DPP10: variants seen among roughly 807,000 people sequenced by gnomAD.
The protein encoded by DPP10 is inactive dipeptidyl peptidase 10.
A neutral mutation model predicts 120.9 loss-of-function variants in DPP10; 33 were observed. The ratio of observed to expected loss-of-function variants is 0.27; its 90% CI spans 0.21 to 0.37. The LOEUF is 0.37. DPP10 is among the 10% of genes least tolerant of loss of function. DPP10 has a pLI of 1.00. For synonymous variants in DPP10, 337 were observed against 326.1 expected (o/e 1.03, Z -0.36); for missense variants, 816 against 942.8 (o/e 0.87, Z 1.76).
At chr2:114,912,756 C>T (rs917316297) in intron 1 of DPP10, among the ~76,000 whole-genome samples, 1 of 152,178 alleles carries the variant, frequency 6.6e-6, no homozygotes, top group Non-Finnish European at 1.5e-5. Context: ...AGAGTGGCCC[C>T]CTCTCATCAC....
At chr2:115,019,485 A>T (rs2105163020) in intron 1 of DPP10, among the ~76,000 whole-genome samples, 1 of 152,252 alleles carries the variant, frequency 6.6e-6, no homozygotes, top group African/African-American at 2.4e-5. Flanking sequence ...AAATGAATTA[A>T]AAAAAATGAA....
At chr2:115,588,186 A>G (rs1057373269) in intron 5 of DPP10, among the ~76,000 whole-genome samples, 1 of 152,134 alleles carries the variant, frequency 6.6e-6, no homozygotes, top group African/African-American at 2.4e-5. Flanking sequence ...CCCATTGGGT[A>G]TTTGTTGTGG....
chr2:114,570,461 T>C (rs1689547131), intron 1 of DPP10, among the ~76,000 whole-genome samples: 1 of 151,906 alleles, frequency 6.6e-6, no homozygotes, highest in Admixed American at 6.6e-5. Flanking sequence ...TAAGATCCCT[T>C]AGGTAGGAGC....
chr2:114,836,367 G>A lies in DPP10; in HGVS notation c.60+393529G>A, dbSNP rs145581188. 8.6e-3 allele frequency among the ~76,000 whole-genome samples: 1,314 copies of A among 152,254 alleles called. 23 individuals carry two copies. The highest frequency in any genetic ancestry group is 0.03 in the African/African-American group (1,265 of 41,534). Reference sequence around the variant, plus strand: ...GGCCAGTTTGGGAAATAAAGGGACAGAGTACAAAAGAGAGAAATTTTAAAG... The same window carrying A: ...GGCCAGTTTGGGAAATAAAGGGACAAAGTACAAAAGAGAGAAATTTTAAAG... On this transcript the variant is annotated intron_variant, in intron 1 of 25. Transcript: ENST00000410059.
At position 115,209,335 on chromosome 2, in the gene DPP10, C is replaced by T. The variant is rs544275842; in HGVS notation, c.61-99904C>T. Among the ~76,000 whole-genome samples the T allele has an allele frequency of 4.6e-5, 7 of 152,148 alleles. No individual in the cohort carries two copies. The South Asian group carries it at 1.5e-3, about 32-fold the overall frequency. On this transcript the variant is annotated intron_variant, in intron 1 of 25. Transcript: ENST00000410059. ...CTATTTATAAATCTTATTTTCTTTA[C>T]TCTTTCATTCCTTAGTTGTTTTTAT...
At chr2:115,229,346 GTTTCC>G (rs1278422954) in intron 1 of DPP10, among the ~76,000 whole-genome samples, 1 of 152,092 alleles carries the variant, frequency 6.6e-6, no homozygotes, top group African/African-American at 2.4e-5. Flanking sequence ...TTTGTTGATT[GTTTCC>G]TTTGCTGTGC....
At chr2:115,369,328 G>A (rs2065257416) in intron 3 of DPP10, among the ~76,000 whole-genome samples, 1 of 152,012 alleles carries the variant, frequency 6.6e-6, no homozygotes, top group Admixed American at 6.6e-5. Context: ...GGAGAAAGTA[G>A]AAGTTTAGAT....
At position 115,087,533 on chromosome 2, in the gene DPP10, C is replaced by CTTTTTTTTTTT. The variant is rs1310507943; in HGVS notation, c.61-221702_61-221701insTTTTTTTTTTT. Among the ~76,000 whole-genome samples the CTTTTTTTTTTT allele has an allele frequency of 2.2e-3, 204 of 92,568 alleles. 1 individual carries two copies. The highest frequency in any genetic ancestry group is 3.5e-3 in the Non-Finnish European group (158 of 45,468). 60.7% of individuals were successfully genotyped at this position (92,568 alleles called of 152,430 possible). The stretch of plus-strand genomic sequence containing the variant: ...TCTTTTTCTTTCTTTCTTTTCTTTT[C>CTTTTTTTTTTT]TTTTCTTTTTTTTTTTTTTTTTTGA... On this transcript the variant is annotated intron_variant, in intron 1 of 25. Transcript: ENST00000410059.
intron 1 of DPP10, among the ~76,000 whole-genome samples, chr2:114,785,348 C>A (rs1682676523): frequency 6.6e-6 from 1 of 151,932 alleles, no homozygotes; most frequent in Non-Finnish European, 1.5e-5. Context: ...TGTCCCTCTG[C>A]CTGCTGTCAC....
intron 1 of DPP10, among the ~76,000 whole-genome samples, chr2:115,114,388 CTCCTAAT>C (rs1398948945): frequency 6.6e-6 from 1 of 152,196 alleles, no homozygotes; most frequent in East Asian, 1.9e-4. Context: ...AAAAGTCTCA[CTCCTAAT>C]TCCTAATTCC....
chr2:115,728,030 A>T, intron 8 of DPP10, 94 bp downstream of exon 8: 1 of 1,382,448 alleles, frequency 7.2e-7, no homozygotes, highest in Non-Finnish European at 9.8e-7. Context: ...AGCAATACTT[A>T]CAGTACAGTT....
At chr2:115,536,619 G>A (rs918069575) in intron 5 of DPP10, among the ~76,000 whole-genome samples, 2 of 151,950 alleles carry the variant, frequency 1.3e-5, no homozygotes, top group African/African-American at 2.4e-5. Flanking sequence ...CCCCAGTAAA[G>A]AGAAATAATT....
intron 1 of DPP10, among the ~76,000 whole-genome samples, chr2:114,840,699 T>C (rs1688087134): frequency 6.6e-6 from 1 of 152,186 alleles, no homozygotes; most frequent in Admixed American, 6.6e-5. Context: ...CTCCTCCAAC[T>C]GTATTTGATT....
At chr2:114,606,123 C>T (rs1286824324) in intron 1 of DPP10, among the ~76,000 whole-genome samples, 1 of 152,064 alleles carries the variant, frequency 6.6e-6, no homozygotes, top group Non-Finnish European at 1.5e-5. Flanking sequence ...AGTTCTTTAC[C>T]TTAATGTTGT....
intron 1 of DPP10, among the ~76,000 whole-genome samples, chr2:115,286,342 T>G (rs967183929): frequency 1.3e-5 from 2 of 150,608 alleles, no homozygotes; most frequent in African/African-American, 4.9e-5. Flanking sequence ...TAAATGAAGA[T>G]TTAAAAGCAT....
At chr2:115,580,386 T>C (rs906829353) in intron 5 of DPP10, 2 of 152,222 alleles carry the variant, frequency 1.3e-5, no homozygotes, top group South Asian at 2.1e-4. Flanking sequence ...TTCCAATTGA[T>C]CATTATAATC....
At chr2:115,589,177 C>T (rs900209815) in intron 5 of DPP10, among the ~76,000 whole-genome samples, 1 of 152,146 alleles carries the variant, frequency 6.6e-6, no homozygotes, top group African/African-American at 2.4e-5. Flanking sequence ...AACCACGAAA[C>T]TCCTGCTTGA....
At chr2:115,643,443 A>T (rs2086953694) in intron 5 of DPP10, among the ~76,000 whole-genome samples, 1 of 152,164 alleles carries the variant, frequency 6.6e-6, no homozygotes, top group African/African-American at 2.4e-5. Context: ...TCAAGGGTCT[A>T]CCTGTATAGA....
chr2:114,656,158 T>C (rs1363314545), intron 1 of DPP10, among the ~76,000 whole-genome samples: 2 of 152,298 alleles, frequency 1.3e-5, no homozygotes, highest in South Asian at 2.1e-4. Flanking sequence ...TTTGAGTCCA[T>C]TGAGCTAGTC....
Sources: allele counts gnomAD v4.1 joint callset (sites outside exome capture counted in the v4.1 genomes callset), GRCh38; gene constraint gnomAD v4.1.1; transcripts MANE v1.5; gene names NCBI Gene and HGNC (gene_info 2026-07-23, HGNC 2026-07-21).